The following SPEF2 variants were observed in gnomAD, a reference collection of about 807,000 sequenced individuals.
The protein encoded by SPEF2 is sperm flagella and cilia-associated protein 2.
Under a neutral mutation model 224.6 loss-of-function variants are expected in SPEF2, and 187 were observed. The observed-to-expected ratio is 0.83, with a 90% CI of 0.74 to 0.94. The LOEUF is 0.94. SPEF2 is among the 40% of genes least tolerant of loss of function. The pLI is 0.00. For synonymous variants in SPEF2, 715 were observed against 707.3 expected (o/e 1.01, Z -0.17); for missense variants, 2,170 against 2,135.6 (o/e 1.02, Z -0.32).
At chr5:35,704,976 G>T (rs1314994551) in intron 17 of SPEF2, among the ~76,000 whole-genome samples, 1 of 152,070 alleles carries the variant, frequency 6.6e-6, no homozygotes, top group Non-Finnish European at 1.5e-5. Context: ...GGTGACGATG[G>T]TGGAACTTCA....
chr5:35,646,834 CT>C, intron 5 of SPEF2, 27 bp downstream of exon 5: 1 of 1,606,936 alleles, frequency 6.2e-7, no homozygotes, highest in Non-Finnish European at 8.5e-7. Context: ...TAATATTGTG[CT>C]GTGTTTATCT....
At chr5:35,732,302 C>G (rs1745765142) in intron 21 of SPEF2, among the ~76,000 whole-genome samples, 2 of 152,144 alleles carry the variant, frequency 1.3e-5, no homozygotes, top group South Asian at 4.2e-4. Flanking sequence ...TCTTAGGAGG[C>G]AACTCTTCAT....
intron 10 of SPEF2, among the ~76,000 whole-genome samples, chr5:35,676,314 T>G (rs1022921575): frequency 2.6e-5 from 4 of 152,176 alleles, no homozygotes; most frequent in African/African-American, 9.7e-5. Context: ...GTTTTGGGTT[T>G]GTTCTCTACC....
At chr5:35,634,430 T>G (rs923841616) in intron 2 of SPEF2, among the ~76,000 whole-genome samples, 2 of 152,142 alleles carry the variant, frequency 1.3e-5, no homozygotes. Flanking sequence ...TTTAAGATTC[T>G]CTCTGTCTTT....
intron 16 of SPEF2, among the ~76,000 whole-genome samples, chr5:35,702,813 A>C (rs1318130171): frequency 6.6e-6 from 1 of 152,184 alleles, no homozygotes; most frequent in Non-Finnish European, 1.5e-5. Context: ...GTTTTTGTTG[A>C]GTATAAAATG....
chr5:35,803,631 C>G (rs2149863704), intron 34 of SPEF2, among the ~76,000 whole-genome samples: 1 of 152,308 alleles, frequency 6.6e-6, no homozygotes, highest in East Asian at 1.9e-4. Context: ...ACTCCTCATC[C>G]CACTGTCTCC....
At position 35,806,883 on chromosome 5, in the gene SPEF2, A is replaced by G. The variant is rs185804225; in HGVS notation, c.5187A>G (p.Lys1729=). ...TGGAAACACTACTCAAAGTGTTCAA[A>G]GGGGGAAGTGAAGCACAGGACTCCA... ...MSMETLLKVF[K]GGSEAQDSNR... The change falls in exon 35 of 37, where the codon AAA becomes AAG. Residue 1729 remains lysine (K), a synonymous_variant. Coordinates refer to ENST00000356031, the MANE Select transcript of SPEF2 (RefSeq NM_024867.4). 80 of 1,614,136 alleles carry G rather than the reference A, an allele frequency of 5.0e-5. No homozygotes were observed. In the Admixed American group the frequency reaches 9.7e-4, roughly 19 times the overall value.
At chr5:35,782,404 A>C (rs2149806755) in intron 30 of SPEF2, among the ~76,000 whole-genome samples, 1 of 152,336 alleles carries the variant, frequency 6.6e-6, no homozygotes, top group South Asian at 2.1e-4. Flanking sequence ...CATAATATCT[A>C]AGATGCAACT....
In SPEF2 at chr5:35,662,518, A is replaced by G. The variant is rs561104158; in HGVS notation, c.1167+3311A>G. The stretch of plus-strand genomic sequence containing the variant: ...ATCTTTGCCCGTGCTTATGTCCTGA[A>G]TGGCATTACTTAGGTTGTCTTCCAG... On this transcript the variant is annotated intron_variant, in intron 8 of 36. Transcript: ENST00000356031. Among the ~76,000 whole-genome samples, 4 of 152,300 alleles carry G rather than the reference A, an allele frequency of 2.6e-5. No individual in the cohort carries two copies. In the South Asian group the frequency reaches 6.2e-4, roughly 24 times the overall value.
chr5:35,653,534 C>T (rs1748493802), intron 6 of SPEF2, among the ~76,000 whole-genome samples: 1 of 152,132 alleles, frequency 6.6e-6, no homozygotes, highest in African/African-American at 2.4e-5. Context: ...TGTGCCTTCC[C>T]TGACACTTGG....
chr5:35,703,492 C>T (rs1415291207), intron 16 of SPEF2, among the ~76,000 whole-genome samples: 1 of 151,762 alleles, frequency 6.6e-6, no homozygotes, highest in Non-Finnish European at 1.5e-5. Context: ...GAGTATAGGT[C>T]TTTAGGATTG....
chr5:35,703,599 G>A (rs538370824), intron 16 of SPEF2, among the ~76,000 whole-genome samples: 62 of 152,002 alleles, frequency 4.1e-4, no homozygotes, highest in Non-Finnish European at 7.8e-4. Context: ...CCTGGGGCTT[G>A]GGGGTTGGGA....
chr5:35,783,397 A>G (rs1754615408), intron 30 of SPEF2, among the ~76,000 whole-genome samples: 1 of 152,182 alleles, frequency 6.6e-6, no homozygotes, highest in African/African-American at 2.4e-5. Flanking sequence ...TATTCCATGT[A>G]TTGAAATAAG....
Position 35,697,773 on chromosome 5 carries a change from C to T in SPEF2, c.2121C>T (p.Asp707=). The stretch of plus-strand genomic sequence containing the variant: ...GCATTCCTGATGTGCTGCTTGTTGA[C>T]ATCATAGTAAATGCTATTAAGTATG... ...GKSIPDVLLV[D]IIVNAINEIP... Residue 707 remains aspartate, a synonymous_variant, in exon 15 of 37, where the codon GAC becomes GAT. Transcript: ENST00000356031. The T allele has an allele frequency of 1.9e-6, 3 of 1,612,630 alleles. No homozygotes were observed. Among genetic ancestry groups the T allele is most frequent in the Non-Finnish European group, 2.5e-6 (3 of 1,179,212 alleles).
chr5:35,638,532 A>C (rs1335206848), intron 2 of SPEF2, among the ~76,000 whole-genome samples: 1 of 152,136 alleles, frequency 6.6e-6, no homozygotes, highest in Non-Finnish European at 1.5e-5. Context: ...CTGAAATGCC[A>C]GCTAAAAATC....
intron 1 of SPEF2, among the ~76,000 whole-genome samples, chr5:35,624,272 G>T (rs904430681): frequency 3.9e-5 from 6 of 152,218 alleles, no homozygotes; most frequent in Non-Finnish European, 8.8e-5. Context: ...GAAGATTAGA[G>T]GCAGGGTTGA....
intron 34 of SPEF2, among the ~76,000 whole-genome samples, chr5:35,802,948 A>G (rs1757624291): frequency 6.6e-6 from 1 of 152,180 alleles, no homozygotes; most frequent in Non-Finnish European, 1.5e-5. Flanking sequence ...AAAGGAGGGA[A>G]GTAAGGAGAC....
intron 1 of SPEF2, among the ~76,000 whole-genome samples, chr5:35,620,358 G>A (rs1338109321): frequency 6.6e-6 from 1 of 152,150 alleles, no homozygotes; most frequent in Non-Finnish European, 1.5e-5. Context: ...TTGGAGGTTA[G>A]ACTGCTTGGA....
At chr5:35,689,413 A>T (rs1047229065) in intron 10 of SPEF2, among the ~76,000 whole-genome samples, 59 of 152,312 alleles carry the variant, frequency 3.9e-4, no homozygotes, top group Middle Eastern at 6.8e-3. Flanking sequence ...ATGGAAGTAT[A>T]TTGCATGATG....
Sources: gnomAD v4.1 joint callset for allele counts (sites outside exome capture counted in the v4.1 genomes callset) on GRCh38, gnomAD v4.1.1 for gene constraint, MANE v1.5 for transcripts, NCBI Gene and HGNC (gene_info 2026-07-23, HGNC 2026-07-21) for gene names.